ADCK1: variants seen among roughly 807,000 people sequenced by gnomAD.
ADCK1 encodes the protein aarF domain containing kinase 1.
ADCK1 carries 41 observed loss-of-function variants against 52.3 expected under a neutral mutation model. That is an observed-to-expected ratio of 0.78 (90% confidence interval 0.61 to 1.02). ADCK1 has a LOEUF of 1.02. ADCK1 is among the 50% of genes least tolerant of loss of function. ADCK1 has a pLI of 0.00. For synonymous variants in ADCK1, 250 were observed against 274.6 expected, an observed-to-expected ratio of 0.91 and a Z score of 0.89; for missense variants, 658 against 679.5, an observed-to-expected ratio of 0.97 and a Z score of 0.35.
intron 3 of ADCK1, among the ~76,000 whole-genome samples, chr14:77,852,883 G>GTGTATATATATATATA (rs1555351667): frequency 5.4e-5 from 1 of 18,514 alleles, no homozygotes; most frequent in Non-Finnish European, 9.9e-5. Context: ...TTTTATGTGT[G>GTGTATATATATATATA]TATATATATA....
chr14:77,852,685 AT>A (rs1335833147), intron 3 of ADCK1, among the ~76,000 whole-genome samples: 1 of 88,068 alleles, frequency 1.1e-5, no homozygotes, highest in South Asian at 3.4e-4. Flanking sequence ...ATATATATAT[AT>A]ATATATATAT....
chr14:77,925,427 G>A (rs2084167376), intron 8 of ADCK1, among the ~76,000 whole-genome samples: 1 of 152,232 alleles, frequency 6.6e-6, no homozygotes, highest in Non-Finnish European at 1.5e-5. Context: ...GGCCAGGCCT[G>A]GAAGTGGAGC....
chr14:77,892,996 G>A (rs181755304), intron 5 of ADCK1, among the ~76,000 whole-genome samples: 1 of 152,306 alleles, frequency 6.6e-6, no homozygotes, highest in Admixed American at 6.5e-5. Context: ...TGGCAGGGAA[G>A]GGAGGCTGAT....
At chr14:77,854,429 A>G (rs1258553111) in intron 3 of ADCK1, among the ~76,000 whole-genome samples, 1 of 152,128 alleles carries the variant, frequency 6.6e-6, no homozygotes, top group African/African-American at 2.4e-5. Flanking sequence ...GTATTGGATT[A>G]ATCCTGTTTT....
chr14:77,912,883 A>G (rs1198269359), intron 7 of ADCK1, among the ~76,000 whole-genome samples: 1 of 152,156 alleles, frequency 6.6e-6, no homozygotes, highest in Non-Finnish European at 1.5e-5. Flanking sequence ...TAGGGAAACA[A>G]CAGTTTAGCA....
At chr14:77,852,665 A>ATATATATATATT (rs2082313891) in intron 3 of ADCK1, among the ~76,000 whole-genome samples, 1 of 88,876 alleles carries the variant, frequency 1.1e-5, no homozygotes, top group Non-Finnish European at 2.0e-5. Flanking sequence ...AAATAAATAT[A>ATATATATATATT]TATATATATA....
intron 7 of ADCK1, chr14:77,914,661 A>G: frequency 1.1e-6 from 1 of 883,128 alleles, no homozygotes; most frequent in Non-Finnish European, 1.4e-6. Context: ...TGGGTAAGCA[A>G]CATCCTCTGA....
chr14:77,875,999 C>T (rs770464151), intron 4 of ADCK1, among the ~76,000 whole-genome samples: 35 of 152,190 alleles, frequency 2.3e-4, no homozygotes, highest in Non-Finnish European at 3.8e-4. Flanking sequence ...TGGACTTCCA[C>T]TGAGAGCGTA....
intron 2 of ADCK1, 95 bp from the exon 3 acceptor site, chr14:77,822,340 G>A: frequency 1.0e-6 from 1 of 968,816 alleles, no homozygotes; most frequent in Non-Finnish European, 1.7e-6. Flanking sequence ...CCCAGACATA[G>A]CAGCTGTGTC....
intron 1 of ADCK1, among the ~76,000 whole-genome samples, chr14:77,807,891 T>C (rs138563782): frequency 0.03 from 4,449 of 150,340 alleles, 209 homozygotes; most frequent in African/African-American, 0.1. Context: ...GATCCACCCG[T>C]CTCAGCCTCT....
At chr14:77,852,523 A>G (rs192857600) in intron 3 of ADCK1, among the ~76,000 whole-genome samples, 51 of 151,050 alleles carry the variant, frequency 3.4e-4, no homozygotes, top group African/African-American at 1.0e-3. Flanking sequence ...CTCTGTATAA[A>G]TTGTTTAAAA....
chr14:77,858,830 G>A (rs540243755), intron 3 of ADCK1, among the ~76,000 whole-genome samples: 1 of 152,242 alleles, frequency 6.6e-6, no homozygotes, highest in South Asian at 2.1e-4. Context: ...ATGAAGAGGA[G>A]GAGATAGGAA....
intron 7 of ADCK1, among the ~76,000 whole-genome samples, chr14:77,914,060 T>C (rs1176778130): frequency 2.0e-5 from 3 of 152,166 alleles, no homozygotes; most frequent in African/African-American, 7.2e-5. Flanking sequence ...AATCTTTCTT[T>C]TTCAGAACCC....
At chr14:77,888,217 C>T (rs1450467407) in intron 5 of ADCK1, among the ~76,000 whole-genome samples, 6 of 152,054 alleles carry the variant, frequency 3.9e-5, no homozygotes, top group Non-Finnish European at 5.9e-5. Context: ...AGGACAGCCC[C>T]GCGGGTGTGA....
intron 6 of ADCK1, among the ~76,000 whole-genome samples, chr14:77,906,180 GA>G (rs1281802264): frequency 6.6e-6 from 1 of 152,226 alleles, no homozygotes; most frequent in Non-Finnish European, 1.5e-5. Context: ...TTAGGAACAG[GA>G]AATAGGTCTG....
intron 4 of ADCK1, among the ~76,000 whole-genome samples, chr14:77,869,966 T>C (rs2082740902): frequency 6.6e-6 from 1 of 152,220 alleles, no homozygotes; most frequent in Admixed American, 6.5e-5. Flanking sequence ...CCAGCCCCAC[T>C]TTTCTTTATA....
intron 4 of ADCK1, among the ~76,000 whole-genome samples, chr14:77,867,715 C>T (rs2082692047): frequency 3.9e-5 from 6 of 152,330 alleles, no homozygotes; most frequent in Middle Eastern, 3.4e-3. Flanking sequence ...GACCACTGCC[C>T]TCCTGCAGGC....
Position 77,924,573 on chromosome 14 carries a change from G to A in ADCK1, c.975G>A (p.Ala325=), listed in dbSNP as rs1469204186. 3.7e-6 allele frequency: 6 copies of A among 1,613,794 alleles called. No homozygotes were observed. Among genetic ancestry groups the A allele is most frequent in the East Asian group, 2.2e-5 (1 of 44,880 alleles). The change falls in exon 8 of 11, where the codon GCG becomes GCA. Residue 325 remains alanine (A), a synonymous_variant. Coordinates refer to ENST00000238561, the MANE Select transcript of ADCK1 (RefSeq NM_020421.4). ...LVRKHPGTGK[A]EIVLLDHGLY... is the part of the protein sequence containing the mutation. ...GGAAGCACCCCGGCACGGGAAAGGC[G>A]GAGATTGTCCTGTTGGACCATGGGC...
At chr14:77,922,801 A>C (rs571895854) in intron 7 of ADCK1, among the ~76,000 whole-genome samples, 1 of 152,306 alleles carries the variant, frequency 6.6e-6, no homozygotes, top group East Asian at 1.9e-4. Context: ...TTGGGAGGCT[A>C]ATAAGGATGT....
Sources: allele counts gnomAD v4.1 joint callset (sites outside exome capture counted in the v4.1 genomes callset), GRCh38; gene constraint gnomAD v4.1.1; transcripts MANE v1.5; gene names NCBI Gene and HGNC (gene_info 2026-07-23, HGNC 2026-07-21).